SMC6: variants seen among roughly 807,000 people sequenced by gnomAD.
SMC6 encodes the protein structural maintenance of chromosomes 6, also known as structural maintenance of chromosomes protein 6.
A neutral mutation model predicts 142.2 loss-of-function variants in SMC6; 79 were observed. The ratio of observed to expected loss-of-function variants is 0.56; its 90% confidence interval spans 0.46 to 0.67. SMC6 has a LOEUF of 0.67. SMC6 is among the 30% of genes least tolerant of loss of function. The pLI is 0.00. For synonymous variants in SMC6, 411 were observed against 412.4 expected (o/e 1.00, Z 0.04); for missense variants, 1,072 against 1,284.0 (o/e 0.83, Z 2.52).
intron 17 of SMC6, 120 bp downstream of exon 17, chr2:17,708,519 T>A: frequency 2.3e-6 from 1 of 425,764 alleles, no homozygotes; most frequent in East Asian, 3.8e-5. Flanking sequence ...CAGGTAAAAG[T>A]ACAATAGTGA....
intron 24 of SMC6, among the ~76,000 whole-genome samples, chr2:17,682,604 C>T (rs1265054781): frequency 6.6e-6 from 1 of 152,166 alleles, no homozygotes; most frequent in Non-Finnish European, 1.5e-5. Context: ...ACAGCTCACA[C>T]ACGACCAGGA....
At chr2:17,716,581 A>G (rs775182442) in intron 14 of SMC6, among the ~76,000 whole-genome samples, 160 bp downstream of exon 14, 1 of 152,222 alleles carries the variant, frequency 6.6e-6, no homozygotes, top group Non-Finnish European at 1.5e-5. Context: ...CCAATGAGTT[A>G]GCCCTGCTCT....
At chr2:17,701,534 C>G (rs1336463656) in intron 20 of SMC6, among the ~76,000 whole-genome samples, 2 of 152,324 alleles carry the variant, frequency 1.3e-5, no homozygotes, top group South Asian at 4.1e-4. Flanking sequence ...CTATGCTCAA[C>G]AGCAGGGTTT....
chr2:17,690,421 C>T (rs1281055849), intron 23 of SMC6, among the ~76,000 whole-genome samples: 3 of 151,980 alleles, frequency 2.0e-5, no homozygotes, highest in Non-Finnish European at 1.5e-5. Context: ...GGCGAAACTC[C>T]AGCTCTACTA....
At chr2:17,735,115 CAAACA>C (rs201329954) in intron 5 of SMC6, among the ~76,000 whole-genome samples, 2,671 of 151,586 alleles carry the variant, frequency 0.018, 60 homozygotes, top group African/African-American at 0.047. Context: ...TACTGCTAAA[CAAACA>C]AAAAAAAAAC....
At chr2:17,721,986 C>G (rs1187831284) in intron 9 of SMC6, among the ~76,000 whole-genome samples, 1 of 152,164 alleles carries the variant, frequency 6.6e-6, no homozygotes, top group African/African-American at 2.4e-5. Flanking sequence ...TTATGGACTT[C>G]ATATTCTGTC....
intron 25 of SMC6, among the ~76,000 whole-genome samples, chr2:17,677,349 T>C (rs1375390454): frequency 6.6e-6 from 1 of 152,122 alleles, no homozygotes; most frequent in Admixed American, 6.6e-5. Context: ...TAACTGTTCC[T>C]TGGGCCAACT....
At chr2:17,697,095 T>C (rs919635540) in intron 21 of SMC6, among the ~76,000 whole-genome samples, 7 of 151,928 alleles carry the variant, frequency 4.6e-5, no homozygotes, top group Non-Finnish European at 7.4e-5. Context: ...AAAACACAAA[T>C]AGTAGCTATT....
Position 17,738,321 on chromosome 2 carries a change from T to C in SMC6, c.244A>G (p.Lys82Glu). The C allele has an allele frequency of 6.2e-7, 1 of 1,606,384 alleles. No individual in the cohort carries two copies. The highest frequency in any genetic ancestry group is 8.5e-7 in the Non-Finnish European group (1 of 1,176,338). The change falls in exon 5 of 28, where the codon AAG becomes GAG. Residue 82 changes from lysine to glutamate, a missense_variant. Coordinates refer to ENST00000448223, the MANE Select transcript of SMC6 (RefSeq NM_001142286.2). ...NFVVGNNGSG[K>E]SAVLTALIVG... ...ATGAGAGCTGTGAGTACTGCACTCTTCCCACCTAAAGAAACAGATGTTGAA... is the reference window on the plus strand; with the variant it reads ...ATGAGAGCTGTGAGTACTGCACTCTCCCCACCTAAAGAAACAGATGTTGAA...
chr2:17,714,864 T>A lies in SMC6; in HGVS notation c.1727A>T (p.His576Leu). The A allele has an allele frequency of 1.2e-6, 2 of 1,611,528 alleles. No homozygotes were observed. Among genetic ancestry groups the A allele is most frequent in the Non-Finnish European group, 1.7e-6 (2 of 1,179,420 alleles). Residue 576 changes from histidine (H) to leucine (L), a missense_variant, in exon 16 of 28, where the codon CAC (histidine) becomes CTC (leucine). Coordinates refer to ENST00000448223, the MANE Select transcript of SMC6 (RefSeq NM_001142286.2). ...TATTCAATTACTAATGCCTTACCTG[T>A]GTCTTACATCATATATCTCATTCCG... ...EFRNEIYDVR[H>L]RAAYHPDFPT...
At chr2:17,666,699 T>C (rs899384734) in intron 26 of SMC6, among the ~76,000 whole-genome samples, 182 bp from the exon 27 acceptor site, 4 of 152,018 alleles carry the variant, frequency 2.6e-5, no homozygotes, top group African/African-American at 9.7e-5. Flanking sequence ...TAGGAGAAAA[T>C]TGGCTGGGTG....
rs1377290782 is a variant in SMC6, at chr2:17,682,704, G to GA, written c.2804+933dup. On this transcript the variant is annotated intron_variant, in intron 24 of 27. Coordinates refer to ENST00000448223, the MANE Select transcript of SMC6 (RefSeq NM_001142286.2). Reference sequence around the variant, plus strand: ...CAAAATAGCACTGCCTCAGAGGTAGGAAAAAATTAGCCCACAACCAACGGC... The same window carrying GA: ...CAAAATAGCACTGCCTCAGAGGTAGGAAAAAAATTAGCCCACAACCAACGGC... Among the ~76,000 whole-genome samples the GA allele has an allele frequency of 4.6e-5, 7 of 152,148 alleles. No homozygotes were observed. In the South Asian group the frequency reaches 1.0e-3, roughly 23 times the overall value.
At chr2:17,738,072 G>C (rs554163423) in intron 5 of SMC6, 149 bp downstream of exon 5, 1 of 603,346 alleles carries the variant, frequency 1.7e-6, no homozygotes, top group African/African-American at 1.9e-5. Flanking sequence ...GCAACAAGGG[G>C]TAAAAGAAAG....
At chr2:17,727,328 A>G (rs936269031) in intron 7 of SMC6, among the ~76,000 whole-genome samples, 4 of 152,144 alleles carry the variant, frequency 2.6e-5, no homozygotes, top group African/African-American at 9.7e-5. Context: ...AAAAGACTAG[A>G]CTGGCCTAGC....
intron 11 of SMC6, 66 bp downstream of exon 11, chr2:17,720,874 A>C (rs745730652): frequency 1.3e-4 from 172 of 1,346,488 alleles, no homozygotes; most frequent in Non-Finnish European, 1.8e-4. Flanking sequence ...TGGGTCATAA[A>C]TAGTCTAATA....
At chr2:17,698,261 A>C (rs564968377) in intron 21 of SMC6, among the ~76,000 whole-genome samples, 1 of 152,132 alleles carries the variant, frequency 6.6e-6, no homozygotes, top group South Asian at 2.1e-4. Context: ...ATACACTTTA[A>C]ATGGATAAAT....
At chr2:17,716,639 T>C in intron 14 of SMC6, 102 bp downstream of exon 14, 3 of 1,180,758 alleles carry the variant, frequency 2.5e-6, no homozygotes, top group Non-Finnish European at 3.6e-6. Context: ...AGATCCCTTA[T>C]TATGTAGAAG....
rs1334862433 is a variant in SMC6 at position 17,678,924 on chromosome 2, G to T, written c.2845C>A (p.Leu949Ile). Residue 949 changes from leucine to isoleucine, a missense_variant, in exon 25 of 28, where the codon CTA (leucine) becomes ATA (isoleucine). Leu to Ile is a conservative substitution (Grantham distance 5). This residue lies in a region of SMC6 where 994 missense variants were observed against 1,153.2 expected (regional missense o/e 0.86). Transcript: ENST00000448223. ...TTTCCACAATAGGCCCGCTGAGATA[G>T]TAAGTTGTCAAAGTATAATTTGCAT... ...LRCKLYFDNL[L>I]SQRAYCGKMN... 8.1e-6 allele frequency: 13 copies of T among 1,609,158 alleles called. No homozygotes were observed. The highest frequency in any genetic ancestry group is 2.7e-5 in the African/African-American group (2 of 74,620).
At chr2:17,672,186 T>C (rs985878913) in intron 25 of SMC6, among the ~76,000 whole-genome samples, 1 of 152,176 alleles carries the variant, frequency 6.6e-6, no homozygotes, top group African/African-American at 2.4e-5. Flanking sequence ...TGCACCAATT[T>C]AATAAATGAA....
Sources: allele counts gnomAD v4.1 joint callset (sites outside exome capture counted in the v4.1 genomes callset), GRCh38; gene constraint gnomAD v4.1.1; regional missense constraint gnomAD v4.1.1; transcripts MANE v1.5; gene names NCBI Gene and HGNC (gene_info 2026-07-23, HGNC 2026-07-21).